Variants in CDIN1 observed in about 807,000 individuals in gnomAD.
CDIN1 encodes the protein CDAN1-interacting nuclease 1.
Under a neutral mutation model 45.3 loss-of-function variants are expected in CDIN1, and 33 were observed. That is an observed-to-expected ratio of 0.73 (90% CI 0.55 to 0.97). CDIN1 has a LOEUF of 0.97. Ranked by LOEUF, CDIN1 falls within the 50% of genes least tolerant of loss-of-function variation. The pLI is 0.00. For missense variants in CDIN1, 303 were observed against 339.4 expected (o/e 0.89, Z 0.84); for synonymous variants, 118 against 124.4 (o/e 0.95, Z 0.34).
At chr15:36,668,371 G>A (rs1171327042) in intron 5 of CDIN1, among the ~76,000 whole-genome samples, 1 of 152,070 alleles carries the variant, frequency 6.6e-6, no homozygotes, top group African/African-American at 2.4e-5. Context: ...CACATAAATA[G>A]CTCTGACATA....
chr15:36,687,091 A>G (rs1286321380), intron 5 of CDIN1, among the ~76,000 whole-genome samples: 3 of 152,134 alleles, frequency 2.0e-5, no homozygotes, highest in African/African-American at 7.2e-5. Flanking sequence ...ATCCAAGGGA[A>G]TAAAGGGTAA....
intron 10 of CDIN1, among the ~76,000 whole-genome samples, chr15:36,784,235 C>T (rs2054429953): frequency 6.6e-6 from 1 of 152,124 alleles, no homozygotes; most frequent in Non-Finnish European, 1.5e-5. Context: ...GAGATAAAAA[C>T]ACAAAGTGCC....
chr15:36,698,337 T>C (rs2042511225), intron 8 of CDIN1, among the ~76,000 whole-genome samples: 1 of 152,214 alleles, frequency 6.6e-6, no homozygotes, highest in Admixed American at 6.5e-5. Context: ...ATTGTTTTAA[T>C]TTGAAGCTTG....
chr15:36,704,372 G>A (rs758363041), intron 8 of CDIN1: 2 of 151,974 alleles, frequency 1.3e-5, no homozygotes, highest in Non-Finnish European at 2.9e-5. Flanking sequence ...TTCATTTATC[G>A]GTGCTATTGG....
In CDIN1 at chr15:36,579,839, ACCT is replaced by A. The variant is rs1176084719; in HGVS notation, c.-18_-16del. The A allele has an allele frequency of 9.4e-6, 15 of 1,600,970 alleles. No individual in the cohort carries two copies. In the African/African-American group the frequency reaches 1.2e-4, roughly 13 times the overall value. On this transcript the variant is annotated 5_prime_UTR_variant, in exon 1 of 11. Coordinates refer to ENST00000566621, the MANE Select transcript of CDIN1 (RefSeq NM_001321759.2). ...AGGGTGTTTTTTCCTTGTTCCCGCC[ACCT>A]CCTGGTCCCTGGCCCAACATGATAC...
At chr15:36,673,701 TC>T (rs1278058794) in intron 5 of CDIN1, among the ~76,000 whole-genome samples, 2 of 151,952 alleles carry the variant, frequency 1.3e-5, no homozygotes, top group Non-Finnish European at 1.5e-5. Context: ...GTTTTCAACA[TC>T]CCTTTTTGGT....
chr15:36,654,532 A>AAC (rs1555389932), intron 4 of CDIN1, among the ~76,000 whole-genome samples: 3 of 151,186 alleles, frequency 2.0e-5, no homozygotes, highest in Admixed American at 2.0e-4. Flanking sequence ...AAAAAAAAAA[A>AAC]CTGCTGTTAT....
chr15:36,657,382 C>T (rs937278406), intron 4 of CDIN1, among the ~76,000 whole-genome samples: 2 of 152,024 alleles, frequency 1.3e-5, no homozygotes, highest in Admixed American at 1.3e-4. Flanking sequence ...CATATAAGGA[C>T]ATTTGACTCT....
chr15:36,763,000 A>G (rs1210626364), intron 10 of CDIN1, among the ~76,000 whole-genome samples: 1 of 152,176 alleles, frequency 6.6e-6, no homozygotes, highest in East Asian at 1.9e-4. Context: ...TCCTTTGGGT[A>G]TATACCCAGT....
At chr15:36,617,085 C>T (rs770145187) in intron 1 of CDIN1, 39 of 793,040 alleles carry the variant, frequency 4.9e-5, no homozygotes, top group African/African-American at 1.0e-4. Flanking sequence ...GAGCAGAGGA[C>T]GACATGTTGT....
At chr15:36,684,432 A>T (rs1011042602) in intron 5 of CDIN1, among the ~76,000 whole-genome samples, 47 of 151,686 alleles carry the variant, frequency 3.1e-4, no homozygotes, top group Non-Finnish European at 6.3e-4. Flanking sequence ...AGCCCACTTG[A>T]TCATGGTGGA....
At chr15:36,738,753 C>T (rs750567554) in intron 10 of CDIN1, among the ~76,000 whole-genome samples, 4 of 152,144 alleles carry the variant, frequency 2.6e-5, no homozygotes, top group Non-Finnish European at 5.9e-5. Context: ...CCATGTTTCT[C>T]CATAATCCTT....
intron 5 of CDIN1, among the ~76,000 whole-genome samples, chr15:36,688,239 G>C (rs994088299): frequency 6.6e-6 from 1 of 151,156 alleles, no homozygotes; most frequent in Non-Finnish European, 1.5e-5. Flanking sequence ...CTAACCTCTA[G>C]CAAGACTGAG....
At chr15:36,800,909 G>GTGTGTGTGTATATATATATATATA (rs1156514805) in intron 10 of CDIN1, among the ~76,000 whole-genome samples, 1 of 22,390 alleles carries the variant, frequency 4.5e-5, no homozygotes, top group Non-Finnish European at 1.2e-4. Flanking sequence ...GTGTGTGTGT[G>GTGTGTGTGTATATATATATATATA]TATATATATA....
At chr15:36,620,009 A>G (rs1448773373) in intron 1 of CDIN1, among the ~76,000 whole-genome samples, 1 of 152,022 alleles carries the variant, frequency 6.6e-6, no homozygotes, top group Non-Finnish European at 1.5e-5. Context: ...TGGACATGTG[A>G]CTACTAATCA....
intron 1 of CDIN1, among the ~76,000 whole-genome samples, chr15:36,635,543 C>G (rs962729078): frequency 1.3e-5 from 2 of 152,076 alleles, no homozygotes; most frequent in African/African-American, 4.8e-5. Flanking sequence ...TAGAATCAAT[C>G]CCCTGTGTGT....
chr15:36,669,475 A>T (rs1032466278), intron 5 of CDIN1, among the ~76,000 whole-genome samples: 4 of 152,246 alleles, frequency 2.6e-5, no homozygotes, highest in African/African-American at 9.6e-5. Flanking sequence ...AGTTGCAAAG[A>T]TAGTACAGAG....
intron 10 of CDIN1, among the ~76,000 whole-genome samples, chr15:36,801,198 A>G (rs2141130287): frequency 6.6e-6 from 1 of 151,940 alleles, no homozygotes; most frequent in East Asian, 1.9e-4. Flanking sequence ...TTATGCAATT[A>G]TGGTAATTCA....
At chr15:36,743,842 T>C (rs2044322573) in intron 10 of CDIN1, among the ~76,000 whole-genome samples, 1 of 151,860 alleles carries the variant, frequency 6.6e-6, no homozygotes, top group Middle Eastern at 3.2e-3. Context: ...TAAATCATGA[T>C]CATGCCACTG....
Sources: allele counts gnomAD v4.1 joint callset (sites outside exome capture counted in the v4.1 genomes callset), GRCh38; gene constraint gnomAD v4.1.1; transcripts MANE v1.5; gene names NCBI Gene and HGNC (gene_info 2026-07-23, HGNC 2026-07-21).